The following MAP9 variants were observed in gnomAD, a reference collection of about 807,000 sequenced individuals.
MAP9 encodes the protein microtubule associated protein 9.
In MAP9, 80 loss-of-function variants were observed where a neutral mutation model predicts 75.2. The ratio of observed to expected loss-of-function variants is 1.06; its 90% CI spans 0.89 to 1.28. MAP9 has a LOEUF of 1.28. Ranked by LOEUF, MAP9 falls within the 50% of genes most tolerant of loss-of-function variation. The probability of loss-of-function intolerance (pLI) is 0.00; values close to 1 mark genes in which losing one functional copy is unlikely to be tolerated. For synonymous variants in MAP9, 235 were observed against 237.3 expected (o/e 0.99, Z 0.09); for missense variants, 753 against 719.9 (o/e 1.05, Z -0.53).
At chr4:155,374,208 G>A (rs780835431) in intron 3 of MAP9, among the ~76,000 whole-genome samples, 2 of 151,990 alleles carry the variant, frequency 1.3e-5, no homozygotes, top group Non-Finnish European at 2.9e-5. Flanking sequence ...GCATGGTGGC[G>A]GGCACCTGTA....
intron 5 of MAP9, chr4:155,362,662 C>A (rs1732143808): frequency 6.6e-6 from 1 of 152,192 alleles, no homozygotes; most frequent in Non-Finnish European, 1.5e-5. Flanking sequence ...GAGTTTTCCT[C>A]AAAATTCTGA....
rs759347119 is a variant in MAP9 at position 155,353,360 on chromosome 4, A to G, written c.1381-20T>C. On this transcript the variant is annotated intron_variant, in intron 10 of 13. Transcript: ENST00000311277. The stretch of plus-strand genomic sequence containing the variant: ...TTTTTTCTACAGTGGAAAAAATAAT[A>G]GAGTGATATACATATATATGTATAT... 3 of 1,544,374 alleles carry G rather than the reference A, an allele frequency of 1.9e-6. No homozygotes were observed. Among genetic ancestry groups the G allele is most frequent in the Non-Finnish European group, 1.7e-6 (2 of 1,155,824 alleles).
intron 13 of MAP9, among the ~76,000 whole-genome samples, chr4:155,351,562 C>T (rs7672056): frequency 0.61 from 92,426 of 150,904 alleles, 29,012 homozygotes; most frequent in East Asian, 0.79. Context: ...TATTTGCAAC[C>T]CATATAAAAA....
chr4:155,365,439 C>T (rs1350674), intron 5 of MAP9, among the ~76,000 whole-genome samples: 49,983 of 151,684 alleles, frequency 0.33, 9,605 homozygotes, highest in East Asian at 0.58. Flanking sequence ...AAGTTGGTAA[C>T]GGGTAAACAA....
intron 6 of MAP9, 88 bp from the exon 7 acceptor site, chr4:155,360,503 A>C (rs1732023709): frequency 7.8e-7 from 1 of 1,274,592 alleles, no homozygotes; most frequent in African/African-American, 1.7e-5. Flanking sequence ...TTAAATGAGG[A>C]CTATCTATAA....
intron 5 of MAP9, chr4:155,368,310 TAA>T (rs1304430538): frequency 3.6e-6 from 2 of 549,388 alleles, no homozygotes; most frequent in African/African-American, 3.8e-5. Flanking sequence ...TAAAACTGGA[TAA>T]ACTCTACAAT....
chr4:155,352,503 G>A, intron 13 of MAP9, 93 bp downstream of exon 13: 1 of 1,232,400 alleles, frequency 8.1e-7, no homozygotes, highest in East Asian at 2.5e-5. Context: ...GAAATGATCA[G>A]TAGGTCTGGA....
At chr4:155,362,187 T>A in intron 5 of MAP9, 46 bp from the exon 6 acceptor site, 1 of 1,130,666 alleles carries the variant, frequency 8.8e-7, no homozygotes, top group Non-Finnish European at 1.3e-6. Context: ...GTTTAATAAT[T>A]AACATTTATG....
intron 8 of MAP9, 35 bp downstream of exon 8, chr4:155,357,414 A>G: frequency 1.6e-6 from 2 of 1,247,368 alleles, no homozygotes; most frequent in Admixed American, 1.7e-5. Context: ...CTAGAATGCA[A>G]GCCCATAAAT....
intron 5 of MAP9, chr4:155,362,667 T>C (rs746580314): frequency 6.6e-6 from 1 of 152,312 alleles, no homozygotes; most frequent in Non-Finnish European, 1.5e-5. Flanking sequence ...TTCCTCAAAA[T>C]TCTGAAAATT....
chr4:155,368,396 C>A, intron 5 of MAP9, 190 bp downstream of exon 5: 1 of 622,226 alleles, frequency 1.6e-6, no homozygotes, highest in Admixed American at 2.9e-5. Context: ...CTACGTCTTA[C>A]AATTGATGCA....
intron 7 of MAP9, among the ~76,000 whole-genome samples, chr4:155,359,210 TACACACACACACACACACACACACAC>T (rs56261222): frequency 1.4e-5 from 2 of 145,478 alleles, no homozygotes; most frequent in Admixed American, 6.9e-5. Context: ...AAAATGTGTA[TACACACACACACACACACACACACAC>T]ACACACACAC....
chr4:155,360,554 T>C, intron 6 of MAP9, 139 bp from the exon 7 acceptor site: 1 of 762,716 alleles, frequency 1.3e-6, no homozygotes, highest in Non-Finnish European at 2.0e-6. Context: ...GTTATCATAT[T>C]AAACTTGCAT....
At chr4:155,360,692 G>A (rs556485429) in intron 6 of MAP9, among the ~76,000 whole-genome samples, 4 of 151,944 alleles carry the variant, frequency 2.6e-5, no homozygotes, top group African/African-American at 4.8e-5. Context: ...CTAAAACAAC[G>A]ACATGTCAAA....
chr4:155,361,720 T>A (rs1337468797), intron 6 of MAP9, among the ~76,000 whole-genome samples: 2 of 152,080 alleles, frequency 1.3e-5, no homozygotes, highest in Non-Finnish European at 2.9e-5. Flanking sequence ...CTGCAGAATA[T>A]CACAGCAACA....
chr4:155,349,838 G>T (rs1036533588), intron 13 of MAP9: 5 of 153,484 alleles, frequency 3.3e-5, no homozygotes, highest in Non-Finnish European at 7.2e-5. Flanking sequence ...CTTAACATGA[G>T]GGGGCAGTAA....
chr4:155,372,128 T>G (rs1001117661), intron 4 of MAP9, among the ~76,000 whole-genome samples: 3 of 152,188 alleles, frequency 2.0e-5, no homozygotes, highest in African/African-American at 7.2e-5. Context: ...TGGATATTAT[T>G]CTAGTGTTCT....
At chr4:155,351,257 A>G (rs1173155658) in intron 13 of MAP9, 1 of 151,956 alleles carries the variant, frequency 6.6e-6, no homozygotes, top group Admixed American at 6.6e-5. Flanking sequence ...AAAATGGGCT[A>G]CTTTATAAAG....
At chr4:155,353,529 C>G (rs1164736907) in intron 10 of MAP9, among the ~76,000 whole-genome samples, 189 bp from the exon 11 acceptor site, 1 of 152,018 alleles carries the variant, frequency 6.6e-6, no homozygotes, top group African/African-American at 2.4e-5. Context: ...AGAATGTTAT[C>G]TGAATTATTC....
Sources: gnomAD v4.1 joint callset for allele counts (sites outside exome capture counted in the v4.1 genomes callset) on GRCh38, gnomAD v4.1.1 for gene constraint, MANE v1.5 for transcripts, NCBI Gene and HGNC (gene_info 2026-07-23, HGNC 2026-07-21) for gene names.